TUBB3: variants seen among roughly 807,000 people sequenced by gnomAD.
TUBB3 encodes the protein tubulin beta 3 class III, also known as tubulin beta-3 chain.
A neutral mutation model predicts 37.8 loss-of-function variants in TUBB3; 17 were observed. The ratio of observed to expected loss-of-function variants is 0.45; its 90% CI spans 0.31 to 0.67. The LOEUF is 0.67. Ranked by LOEUF, TUBB3 falls within the 30% of genes least tolerant of loss-of-function variation. The pLI is 0.07. For synonymous variants in TUBB3, 332 were observed against 278.9 expected, an observed-to-expected ratio of 1.19 and a Z score of -1.90; for missense variants, 262 against 657.9, an observed-to-expected ratio of 0.40 and a Z score of 6.58.
At position 89,931,791 on chromosome 16, in the gene TUBB3, C is replaced by T. The variant is rs186961721; in HGVS notation, c.58-780C>T. ...AGGCCCAGCCCCTGAGTCTAGGCTC[C>T]GCTCGGCAGCTGTCATGGGAGCAGA... On this transcript the variant is annotated intron_variant, in intron 1 of 3. Transcript: ENST00000315491. The T allele has an allele frequency of 1.6e-3, 552 of 338,364 alleles. 3 individuals are homozygous for T. The highest frequency in any genetic ancestry group is 3.6e-3 in the Admixed American group (110 of 30,756). 21.0% of individuals were successfully genotyped at this position (338,364 alleles called of 1,614,324 possible). A position where few individuals can be genotyped will look rare whatever the true frequency, so the allele number is the denominator to read the frequency against.
Position 89,933,447 on chromosome 16 carries a change from C to G in TUBB3, c.167-21C>G, listed in dbSNP as rs72813449. On this transcript the variant is annotated intron_variant, in intron 2 of 3. Coordinates refer to ENST00000315491, the MANE Select transcript of TUBB3 (RefSeq NM_006086.4). The stretch of plus-strand genomic sequence containing the variant: ...TCTGGCCCTCTGTGACCCGAATCAC[C>G]GAGCCCCTCTCTCCCCTCAGCTCAC... The G allele has an allele frequency of 0.01, 16,033 of 1,591,052 alleles. 113 individuals are homozygous for G. Among genetic ancestry groups the G allele is most frequent in the Non-Finnish European group, 0.012 (14,335 of 1,159,150 alleles).
intron 1 of TUBB3, among the ~76,000 whole-genome samples, chr16:89,927,276 T>C (rs2144405519): frequency 6.6e-6 from 1 of 151,794 alleles, no homozygotes; most frequent in East Asian, 2.0e-4. Context: ...TCCCAGCTAC[T>C]TGGGAGACAG....
At chr16:89,930,494 G>A (rs2030244904) in intron 1 of TUBB3, among the ~76,000 whole-genome samples, 2 of 151,520 alleles carry the variant, frequency 1.3e-5, no homozygotes, top group African/African-American at 4.9e-5. Context: ...TGCAATCTTG[G>A]CTTACTGCAA....
At position 89,935,155 on chromosome 16, in the gene TUBB3, G is replaced by A; in HGVS notation, c.704G>A (p.Gly235Glu). The A allele has an allele frequency of 6.2e-7, 1 of 1,614,064 alleles. No individual in the cohort carries two copies. The highest frequency in any genetic ancestry group is 1.1e-5 in the South Asian group (1 of 91,076). Reference sequence around the variant, plus strand: ...CACCTGGTATCGGCCACCATGAGCGGAGTCACCACCTCCTTGCGCTTCCCG... The same window carrying A: ...CACCTGGTATCGGCCACCATGAGCGAAGTCACCACCTCCTTGCGCTTCCCG... ...LNHLVSATMSGVTTSLRFPGQ... is the reference protein window; with the variant it reads ...LNHLVSATMSEVTTSLRFPGQ... Residue 235 changes from glycine (G) to glutamate (E), a missense_variant, in exon 4 of 4, where the codon GGA (glycine) becomes GAA (glutamate). Coordinates refer to ENST00000315491, the MANE Select transcript of TUBB3 (RefSeq NM_006086.4).
At chr16:89,931,130 T>G (rs561928147) in intron 1 of TUBB3, among the ~76,000 whole-genome samples, 2 of 152,168 alleles carry the variant, frequency 1.3e-5, no homozygotes, top group Non-Finnish European at 2.9e-5. Context: ...CCTGGCCTAC[T>G]AGAGGCATCT....
At chr16:89,924,378 G>A (rs920473579) in intron 1 of TUBB3, among the ~76,000 whole-genome samples, 3 of 152,146 alleles carry the variant, frequency 2.0e-5, no homozygotes, top group Admixed American at 2.0e-4. Flanking sequence ...TCCCCTGCAG[G>A]AGCCAACCTG....
chr16:89,933,124 C>T (rs376201991), intron 2 of TUBB3: 9 of 573,180 alleles, frequency 1.6e-5, no homozygotes, highest in African/African-American at 9.3e-5. Context: ...GAGACAGTCT[C>T]GATATGTTGC....
intron 1 of TUBB3, among the ~76,000 whole-genome samples, chr16:89,925,509 T>C (rs2030043246): frequency 6.6e-6 from 1 of 151,894 alleles, no homozygotes; most frequent in African/African-American, 2.4e-5. Context: ...GATGGGAGCA[T>C]TGCTTCAGCG....
Position 89,933,460 on chromosome 16 carries a change from C to T in TUBB3, c.167-8C>T. 2.5e-6 allele frequency: 4 copies of T among 1,610,858 alleles called. No individual in the cohort carries two copies. The highest frequency in any genetic ancestry group is 2.2e-5 in the South Asian group (2 of 91,018). ...GACCCGAATCACCGAGCCCCTCTCT[C>T]CCCTCAGCTCACAAGTACGTGCCTC... On this transcript the variant is annotated splice_region_variant and splice_polypyrimidine_tract_variant and intron_variant, in intron 2 of 3. Transcript: ENST00000315491.
intron 3 of TUBB3, 25 bp downstream of exon 3, chr16:89,933,603 T>C (rs768919210): frequency 6.9e-6 from 11 of 1,586,278 alleles, no homozygotes; most frequent in Non-Finnish European, 9.5e-6. Flanking sequence ...CTCCAAGCTC[T>C]GATGGCAGAC....
At chr16:89,928,856 G>C (rs1357506993) in intron 1 of TUBB3, among the ~76,000 whole-genome samples, 1 of 151,752 alleles carries the variant, frequency 6.6e-6, no homozygotes, top group African/African-American at 2.4e-5. Context: ...TAGAGATGGG[G>C]TTTCACCATG....
At chr16:89,924,453 G>A (rs1044563462) in intron 1 of TUBB3, among the ~76,000 whole-genome samples, 1 of 113,440 alleles carries the variant, frequency 8.8e-6, no homozygotes, top group East Asian at 2.7e-4. Flanking sequence ...ACAGTGTTGG[G>A]GAACAGGGGA....
At position 89,934,709 on chromosome 16, in the gene TUBB3, C is replaced by T; in HGVS notation, c.278-20C>T. On this transcript the variant is annotated intron_variant, in intron 3 of 3. Coordinates refer to ENST00000315491, the MANE Select transcript of TUBB3 (RefSeq NM_006086.4). ...CAGAGTCCCTGGCCCCTGTCTCTTA[C>T]CCCTCTTCTCCCTGTACAGGTCAGA... is the stretch of plus-strand genomic sequence containing the variant. 2 of 1,612,446 alleles carry T rather than the reference C, an allele frequency of 1.2e-6. No individual in the cohort carries two copies. The highest frequency in any genetic ancestry group is 1.7e-6 in the Non-Finnish European group (2 of 1,178,670).
At position 89,931,406 on chromosome 16, in the gene TUBB3, A is replaced by G. The variant is rs1279031813; in HGVS notation, c.58-1165A>G. On this transcript the variant is annotated intron_variant, in intron 1 of 3. Transcript: ENST00000315491. The stretch of plus-strand genomic sequence containing the variant: ...AGGAGTAAGGGCAAGGGGCATTGGG[A>G]GAGGTCAGGCAGCCCTGGGAAGCCT... Among the ~76,000 whole-genome samples, 7 of 152,208 alleles carry G rather than the reference A, an allele frequency of 4.6e-5. 1 individual carries two copies.
At chr16:89,922,121 AC>A (rs1461581268), upstream of TUBB3, 1 of 152,708 alleles carries the variant, frequency 6.5e-6, no homozygotes, top group African/African-American at 2.4e-5. Flanking sequence ...TCTCTTGAGA[AC>A]AAAAGATCCA....
chr16:89,928,639 G>C (rs986418853), intron 1 of TUBB3, among the ~76,000 whole-genome samples: 2 of 151,526 alleles, frequency 1.3e-5, no homozygotes, highest in Admixed American at 1.3e-4. Flanking sequence ...ATTCTCCTGA[G>C]TCAGCCTCCC....
At chr16:89,923,298 G>A, upstream of TUBB3, 1 of 995,570 alleles carries the variant, frequency 1.0e-6, no homozygotes, top group Admixed American at 4.5e-5. Context: ...CGATGCGAAG[G>A]GCGGGGCCGC....
At chr16:89,932,464 G>T in intron 1 of TUBB3, 107 bp from the exon 2 acceptor site, 1 of 905,268 alleles carries the variant, frequency 1.1e-6, no homozygotes, top group African/African-American at 1.6e-5. Context: ...GAGGCCGTGG[G>T]TCAAAAGCCC....
rs533631554 is a variant in TUBB3, at chr16:89,933,391, G to T, written c.167-77G>T. The T allele has an allele frequency of 4.5e-4, 531 of 1,192,874 alleles. 8 individuals are homozygous for T. In the South Asian group the frequency reaches 6.1e-3, roughly 14 times the overall value. The allele number at this position is 1,192,874 out of a possible 1,614,324, so 73.9% of individuals were successfully genotyped here. ...ATGTGAGCAGGAGGATGGCAGGCGG[G>T]CACAGAATTCAGAAAGAATGAGGGA... On this transcript the variant is annotated intron_variant, in intron 2 of 3. Coordinates refer to ENST00000315491, the MANE Select transcript of TUBB3 (RefSeq NM_006086.4).
Sources: allele counts gnomAD v4.1 joint callset (sites outside exome capture counted in the v4.1 genomes callset), GRCh38; gene constraint gnomAD v4.1.1; transcripts MANE v1.5; gene names NCBI Gene and HGNC (gene_info 2026-07-23, HGNC 2026-07-21).